Variants in MTUS2 observed in about 807,000 individuals in gnomAD.
MTUS2 encodes microtubule-associated tumor suppressor candidate 2.
MTUS2 carries 40 observed loss-of-function variants against 114.1 expected under a neutral mutation model. The ratio of observed to expected loss-of-function variants is 0.35; its 90% CI spans 0.27 to 0.46. MTUS2 has a LOEUF of 0.46. Among genes scored for constraint, MTUS2 ranks in the 20% least tolerant of loss-of-function variants. The pLI, the probability that MTUS2 is intolerant of heterozygous loss-of-function variation, is 1.00. For synonymous variants in MTUS2, 688 were observed against 672.0 expected (o/e 1.02, Z -0.37); for missense variants, 1,679 against 1,705.4 (o/e 0.98, Z 0.27).
chr13:29,191,329 T>G (rs970047404), intron 5 of MTUS2, among the ~76,000 whole-genome samples: 2 of 152,080 alleles, frequency 1.3e-5, no homozygotes, highest in African/African-American at 4.8e-5. Flanking sequence ...TATATATAAT[T>G]GGTTCACAGG....
intron 5 of MTUS2, among the ~76,000 whole-genome samples, chr13:29,228,369 G>A (rs1896192899): frequency 6.6e-6 from 1 of 152,240 alleles, no homozygotes; most frequent in Non-Finnish European, 1.5e-5. Context: ...TGCCCAGGCT[G>A]AAGTACAGTG....
intron 2 of MTUS2, among the ~76,000 whole-genome samples, chr13:28,884,638 G>T (rs752291160): frequency 1.3e-5 from 2 of 152,160 alleles, no homozygotes; most frequent in Non-Finnish European, 2.9e-5. Context: ...GGGAGTGAGT[G>T]CATTTGAAGC....
At chr13:28,954,855 C>T (rs661732) in intron 2 of MTUS2, among the ~76,000 whole-genome samples, 90,711 of 151,826 alleles carry the variant, frequency 0.6, 27,328 homozygotes, top group Middle Eastern at 0.73. Flanking sequence ...AAGGTCACTT[C>T]GAGGGGTGGT....
intron 2 of MTUS2, among the ~76,000 whole-genome samples, chr13:28,871,821 C>T (rs1289387028): frequency 6.6e-6 from 1 of 152,164 alleles, no homozygotes; most frequent in East Asian, 1.9e-4. Flanking sequence ...AGACCTGTGT[C>T]ATGCAAAAGA....
intron 5 of MTUS2, among the ~76,000 whole-genome samples, chr13:29,125,913 A>C (rs935613857): frequency 6.6e-6 from 1 of 152,238 alleles, no homozygotes; most frequent in African/African-American, 2.4e-5. Flanking sequence ...ACAGAAATAA[A>C]GTCAGTGGCA....
At chr13:29,485,589 C>T (rs41291231) in intron 10 of MTUS2, among the ~76,000 whole-genome samples, 17 of 152,246 alleles carry the variant, frequency 1.1e-4, no homozygotes, top group Non-Finnish European at 2.2e-4. Context: ...CATAAAAGCA[C>T]CTCGGAAAGG....
At chr13:29,119,017 A>G (rs190573415) in intron 5 of MTUS2, among the ~76,000 whole-genome samples, 40 of 152,262 alleles carry the variant, frequency 2.6e-4, no homozygotes, top group Non-Finnish European at 5.3e-4. Context: ...CTCTAAGGAA[A>G]AGGCTCCTAA....
Position 28,852,261 on chromosome 13 carries a change from G to A in MTUS2, c.-243+12411G>A, listed in dbSNP as rs1161468. On this transcript the variant is annotated intron_variant, in intron 2 of 15. Coordinates refer to ENST00000612955, the MANE Select transcript of MTUS2 (RefSeq NM_001033602.4). ...ACTTATTTTCTTCAGAGCATTCTCCGTACATTACATACTCCTTTGTTCATC... is the reference window on the plus strand; with the variant it reads ...ACTTATTTTCTTCAGAGCATTCTCCATACATTACATACTCCTTTGTTCATC... 1.4e-3 allele frequency among the ~76,000 whole-genome samples: 206 copies of A among 152,100 alleles called. 9 individuals carry two copies. The East Asian group carries it at 0.031, about 23-fold the overall frequency.
At chr13:29,281,923 A>G in intron 6 of MTUS2, 58 bp downstream of exon 6, 3 of 1,506,892 alleles carry the variant, frequency 2.0e-6, no homozygotes, top group Non-Finnish European at 1.8e-6. Context: ...GCATTAATAA[A>G]AAGTCTTTTG....
chr13:29,214,472 G>T (rs1381391842), intron 5 of MTUS2, among the ~76,000 whole-genome samples: 1 of 152,090 alleles, frequency 6.6e-6, no homozygotes, highest in East Asian at 1.9e-4. Flanking sequence ...TTTACATTTT[G>T]GTATATTTTT....
intron 2 of MTUS2, among the ~76,000 whole-genome samples, chr13:28,923,983 G>T (rs1282707991): frequency 2.6e-5 from 4 of 152,088 alleles, no homozygotes; most frequent in African/African-American, 7.2e-5. Flanking sequence ...TTTCCCAACT[G>T]GGAGCAGAGT....
At chr13:29,373,564 T>A (rs1322047563) in intron 8 of MTUS2, among the ~76,000 whole-genome samples, 1 of 152,204 alleles carries the variant, frequency 6.6e-6, no homozygotes, top group African/African-American at 2.4e-5. Flanking sequence ...TACACGGACT[T>A]TGAGAATTGA....
intron 4 of MTUS2, among the ~76,000 whole-genome samples, chr13:29,082,382 T>C (rs1242507633): frequency 6.6e-6 from 1 of 152,186 alleles, no homozygotes; most frequent in Admixed American, 6.5e-5. Flanking sequence ...GGATGAAAAG[T>C]AGCAGCTCTC....
chr13:29,100,683 T>C, intron 4 of MTUS2, 90 bp from the exon 5 acceptor site: 2 of 1,405,850 alleles, frequency 1.4e-6, no homozygotes, highest in Admixed American at 2.2e-5. Context: ...CTGTTTATGA[T>C]AGAACTGGGT....
intron 5 of MTUS2, among the ~76,000 whole-genome samples, chr13:29,198,022 C>A (rs1179229747): frequency 6.6e-6 from 1 of 152,186 alleles, no homozygotes; most frequent in Non-Finnish European, 1.5e-5. Flanking sequence ...TATAGGTTGC[C>A]TGTTCACTTG....
chr13:29,226,359 A>G (rs1041608847), intron 5 of MTUS2, among the ~76,000 whole-genome samples: 1 of 152,222 alleles, frequency 6.6e-6, no homozygotes, highest in African/African-American at 2.4e-5. Context: ...TACTATCAAG[A>G]GAAGGGGATG....
intron 2 of MTUS2, among the ~76,000 whole-genome samples, chr13:28,881,420 A>G (rs1878282163): frequency 6.6e-6 from 1 of 152,156 alleles, no homozygotes; most frequent in Admixed American, 6.5e-5. Flanking sequence ...GCTGTTGTGA[A>G]TAGTTCTGCA....
chr13:29,228,899 A>G (rs1896215721), intron 5 of MTUS2, among the ~76,000 whole-genome samples: 1 of 152,174 alleles, frequency 6.6e-6, no homozygotes, highest in Admixed American at 6.5e-5. Context: ...TTGACCCATA[A>G]CAACATAGCT....
intron 2 of MTUS2, among the ~76,000 whole-genome samples, chr13:29,009,813 C>G: frequency 6.6e-6 from 1 of 152,108 alleles, no homozygotes; most frequent in East Asian, 1.9e-4. Context: ...TTTTGCTACT[C>G]ATTCATATTT....
Sources: allele counts gnomAD v4.1 joint callset (sites outside exome capture counted in the v4.1 genomes callset), GRCh38; gene constraint gnomAD v4.1.1; transcripts MANE v1.5; gene names NCBI Gene and HGNC (gene_info 2026-07-23, HGNC 2026-07-21).